Variants in FAM169A observed in about 807,000 individuals in gnomAD.
FAM169A encodes soluble lamin-associated protein of 75 kDa.
FAM169A carries 24 observed loss-of-function variants against 75.7 expected under a neutral mutation model. The observed-to-expected ratio is 0.32, with a 90% confidence interval of 0.23 to 0.45. The LOEUF (loss-of-function observed/expected upper bound fraction) is 0.45, where lower values mean the gene tolerates loss of function less well. Among genes scored for constraint, FAM169A ranks in the 20% least tolerant of loss-of-function variants. FAM169A has a pLI of 1.00. For synonymous variants in FAM169A, 271 were observed against 271.0 expected (o/e 1.00, Z 0.00); for missense variants, 673 against 784.0 (o/e 0.86, Z 1.69).
In FAM169A at chr5:74,778,752, G is replaced by A. The variant is rs1266114212; in HGVS notation, c.*2708C>T. On this transcript the variant is annotated 3_prime_UTR_variant, in exon 13 of 13. Transcript: ENST00000687041. ...TAACCATCTGCTTTATATTACACAA[G>A]GAAATATACACGTATGTACATAAAA... The A allele has an allele frequency of 6.6e-6, 1 of 151,898 alleles. No homozygotes were observed. Among genetic ancestry groups the A allele is most frequent in the East Asian group, 1.9e-4 (1 of 5,198 alleles). 9.4% of individuals were successfully genotyped at this position (151,898 alleles called of 1,614,324 possible).
intron 5 of FAM169A, among the ~76,000 whole-genome samples, chr5:74,817,707 A>C (rs1327176612): frequency 6.6e-6 from 1 of 152,172 alleles, no homozygotes; most frequent in Non-Finnish European, 1.5e-5. Flanking sequence ...TAGCCAAAAT[A>C]ATCTTGACAA....
intron 11 of FAM169A, among the ~76,000 whole-genome samples, chr5:74,785,266 C>T (rs188047607): frequency 6.6e-6 from 1 of 152,106 alleles, no homozygotes; most frequent in Non-Finnish European, 1.5e-5. Context: ...TGCAGTTAAG[C>T]CTAGATTGCA....
chr5:74,825,333 A>G (rs755077258), intron 5 of FAM169A, among the ~76,000 whole-genome samples: 3 of 152,218 alleles, frequency 2.0e-5, no homozygotes, highest in Admixed American at 6.5e-5. Context: ...AAAGTTCTGT[A>G]TCTACTCTGT....
intron 10 of FAM169A, chr5:74,799,116 G>A (rs1746431070): frequency 1.0e-6 from 1 of 982,470 alleles, no homozygotes; most frequent in African/African-American, 1.6e-5. Flanking sequence ...ATGGGCGCCA[G>A]TGTGTGAAAG....
intron 5 of FAM169A, among the ~76,000 whole-genome samples, chr5:74,832,993 A>AG (rs1748393558): frequency 6.6e-6 from 1 of 152,068 alleles, no homozygotes; most frequent in Non-Finnish European, 1.5e-5. Flanking sequence ...AATAGAGGCT[A>AG]GGTGCCAGAG....
Position 74,866,367 on chromosome 5 carries a change from C to T in FAM169A, c.-206G>A. 1 of 984,510 alleles carries T rather than the reference C, an allele frequency of 1.0e-6. No homozygotes were observed. Among genetic ancestry groups the T allele is most frequent in the Non-Finnish European group, 1.2e-6 (1 of 829,616 alleles). 61.0% of individuals were successfully genotyped at this position (984,510 alleles called of 1,614,324 possible). A position where few individuals can be genotyped will look rare whatever the true frequency, so the allele number is the denominator to read the frequency against. ...GCGGGTCGGCCGCGGCCCACCGTGC[C>T]CTCCGACGACGTGACGCACTAGCGC... On this transcript the variant is annotated 5_prime_UTR_variant, in exon 1 of 13. Coordinates refer to ENST00000687041, the MANE Select transcript of FAM169A (RefSeq NM_001376049.1).
chr5:74,803,878 TTAAGA>T (rs1385771564), intron 8 of FAM169A, among the ~76,000 whole-genome samples: 1 of 152,178 alleles, frequency 6.6e-6, no homozygotes, highest in African/African-American at 2.4e-5. Flanking sequence ...AATTTGTATG[TTAAGA>T]TAAGTAATTA....
Position 74,796,138 on chromosome 5 carries a change from T to C in FAM169A, c.1152A>G (p.Glu384=), listed in dbSNP as rs755472182. 33 of 1,613,994 alleles carry C rather than the reference T, an allele frequency of 2.0e-5. No homozygotes were observed. Among genetic ancestry groups the C allele is most frequent in the Non-Finnish European group, 2.5e-5 (30 of 1,180,006 alleles). Residue 384 remains glutamate, a synonymous_variant, in exon 11 of 13, where the codon GAA becomes GAG. Coordinates refer to ENST00000687041, the MANE Select transcript of FAM169A (RefSeq NM_001376049.1). ...RPSESSEEFL[E]EEPEQRGIEF... is the part of the protein sequence containing the mutation. The stretch of plus-strand genomic sequence containing the variant: ...CAATCCCTCTCTGTTCAGGTTCTTC[T>C]TCCAGGAATTCTTCTGAGCTCTCTG...
At chr5:74,863,727 G>T (rs1419249036) in intron 1 of FAM169A, among the ~76,000 whole-genome samples, 1 of 152,044 alleles carries the variant, frequency 6.6e-6, no homozygotes, top group African/African-American at 2.4e-5. Context: ...AAAATCTCAA[G>T]CAACTTCAAA....
intron 5 of FAM169A, among the ~76,000 whole-genome samples, chr5:74,815,801 T>C (rs1455129589): frequency 2.6e-5 from 4 of 152,276 alleles, no homozygotes; most frequent in Non-Finnish European, 4.4e-5. Context: ...CCTCTGGTTG[T>C]CCTCACTGCT....
At chr5:74,799,638 T>TGG (rs1746458436) in intron 10 of FAM169A, 41 of 1,379,898 alleles carry the variant, frequency 3.0e-5, no homozygotes, top group Non-Finnish European at 4.0e-5. Context: ...TCTCCGCCAG[T>TGG]GGGAGCCACC....
chr5:74,813,805 G>A, intron 6 of FAM169A, 35 bp downstream of exon 6: 1 of 1,427,780 alleles, frequency 7.0e-7, no homozygotes, highest in Middle Eastern at 1.9e-4. Context: ...GTGACACAAA[G>A]ACAAGTTTAT....
At chr5:74,840,314 A>C (rs1030340282) in intron 2 of FAM169A, 141 bp from the exon 3 acceptor site, 1 of 451,380 alleles carries the variant, frequency 2.2e-6, no homozygotes, top group Admixed American at 4.1e-5. Flanking sequence ...TAGTCTCTAA[A>C]AAAAGAGTAA....
intron 8 of FAM169A, among the ~76,000 whole-genome samples, chr5:74,802,741 A>G (rs1034549005): frequency 3.3e-5 from 5 of 152,172 alleles, no homozygotes; most frequent in Non-Finnish European, 5.9e-5. Flanking sequence ...CATGCTTACT[A>G]AAACTCCACA....
intron 1 of FAM169A, among the ~76,000 whole-genome samples, chr5:74,854,397 AAATAATAAT>A (rs3031222): frequency 1.3e-5 from 2 of 150,664 alleles, no homozygotes; most frequent in East Asian, 1.9e-4. Context: ...TCCATCTCAA[AAATAATAAT>A]AATAATAATA....
chr5:74,837,991 T>C (rs192030804), intron 4 of FAM169A, among the ~76,000 whole-genome samples: 1 of 151,180 alleles, frequency 6.6e-6, no homozygotes, highest in Non-Finnish European at 1.5e-5. Context: ...GTGGCGTATG[T>C]CTGTAATCCC....
intron 11 of FAM169A, 88 bp downstream of exon 11, chr5:74,795,942 T>C (rs756877784): frequency 2.2e-6 from 3 of 1,374,942 alleles, no homozygotes; most frequent in Admixed American, 2.1e-5. Flanking sequence ...CTCTAAAATA[T>C]ATCGCTATAC....
At chr5:74,857,590 A>C (rs1334480386) in intron 1 of FAM169A, among the ~76,000 whole-genome samples, 2 of 132,838 alleles carry the variant, frequency 1.5e-5, no homozygotes, top group East Asian at 2.0e-4. Context: ...AAAAAAAAAA[A>C]AAAAAAAAAA....
chr5:74,834,633 T>A, intron 4 of FAM169A, 36 bp from the exon 5 acceptor site: 2 of 1,429,454 alleles, frequency 1.4e-6, no homozygotes, highest in South Asian at 1.7e-5. Flanking sequence ...ACAGCAGTTA[T>A]AATATGCATC....
Sources: gnomAD v4.1 joint callset for allele counts (sites outside exome capture counted in the v4.1 genomes callset) on GRCh38, gnomAD v4.1.1 for gene constraint, MANE v1.5 for transcripts, NCBI Gene and HGNC (gene_info 2026-07-23, HGNC 2026-07-21) for gene names.